The following SYNM variants were observed in gnomAD, a reference collection of about 807,000 sequenced individuals.
SYNM encodes synemin.
In SYNM, 95 loss-of-function variants were observed where a neutral mutation model predicts 104.0. That is an observed-to-expected ratio of 0.91 (90% CI 0.77 to 1.08). SYNM has a LOEUF of 1.08. Among genes scored for constraint, SYNM ranks in the 50% least tolerant of loss-of-function variants. SYNM has a pLI of 0.00. For synonymous variants in SYNM, 918 were observed against 869.0 expected (o/e 1.06, Z -0.99); for missense variants, 2,150 against 2,052.2 (o/e 1.05, Z -0.92).
At chr15:99,123,894 C>T (rs1555484800) in intron 2 of SYNM, among the ~76,000 whole-genome samples, 1 of 152,278 alleles carries the variant, frequency 6.6e-6, no homozygotes, top group East Asian at 1.9e-4. Context: ...AGACAGAGAG[C>T]CTTGCCTTGG....
rs1044356 is a variant in SYNM at position 99,105,607 on chromosome 15, G to C, written c.408G>C (p.Arg136=). The C allele has an allele frequency of 1.6e-6, 2 of 1,262,882 alleles. No individual in the cohort carries two copies. Among genetic ancestry groups the C allele is most frequent in the Non-Finnish European group, 2.0e-6 (2 of 1,009,944 alleles). The allele number at this position is 1,262,882 out of a possible 1,614,324, so 78.2% of individuals were successfully genotyped here. A position where few individuals can be genotyped will look rare whatever the true frequency, so the allele number is the denominator to read the frequency against. ...CCGCCCTCGAGGCGCTGCTGGGCCG[G>C]CTGCAGGCCGAGCGCCGAGGCCTCG... is the stretch of plus-strand genomic sequence containing the variant. The part of the protein sequence containing the change: ...ARAALEALLG[R]LQAERRGLDA... Residue 136 remains arginine (R), a synonymous_variant, in exon 1 of 4, where the codon CGG becomes CGC. Coordinates refer to ENST00000336292, the MANE Select transcript of SYNM (RefSeq NM_145728.3).
intron 2 of SYNM, among the ~76,000 whole-genome samples, chr15:99,116,541 C>T (rs1670242): frequency 0.016 from 2,260 of 143,960 alleles, 224 homozygotes; most frequent in African/African-American, 0.052. Context: ...CAGGCTGTAC[C>T]GGAATCGTGG....
rs375897773 is a variant in SYNM at position 99,131,412 on chromosome 15, G to T, written c.3052G>T (p.Glu1018Ter). 5.4e-4 allele frequency: 877 copies of T among 1,611,864 alleles called. 3 individuals are homozygous for T. The African/African-American group carries it at 9.9e-3, about 18-fold the overall frequency. The stretch of plus-strand genomic sequence containing the variant: ...GGATGCCGATCGGTTAGACCTGGAG[G>T]AGCTGAGCAAAGATGAGGCCAGTGA... ...TVDADRLDLE[E>*]LSKDEASEME... The change falls in exon 4 of 4, where the codon GAG becomes TAG. Residue 1018 changes from glutamate to a stop codon, truncating the protein, a stop_gained. Transcript: ENST00000336292. LOFTEE classifies it high-confidence loss of function. The surrounding 1 kb of genome is among the most constrained non-coding windows in gnomAD (Gnocchi z 4.3).
At chr15:99,110,044 AG>A (rs1168335395) in intron 1 of SYNM, among the ~76,000 whole-genome samples, 1 of 152,190 alleles carries the variant, frequency 6.6e-6, no homozygotes, top group Non-Finnish European at 1.5e-5. Context: ...TAACCCAGGC[AG>A]GAAGTGCTCG....
intron 2 of SYNM, among the ~76,000 whole-genome samples, chr15:99,126,174 A>G (rs1198816146): frequency 6.6e-6 from 1 of 152,118 alleles, no homozygotes; most frequent in Non-Finnish European, 1.5e-5. Flanking sequence ...GTCGTCTCCA[A>G]GGTGACCCCC....
At chr15:99,139,056 C>G (rs2067899215), downstream of SYNM, 1 of 516,764 alleles carries the variant, frequency 1.9e-6, no homozygotes, top group Admixed American at 2.8e-5. Flanking sequence ...CAGCAGGTGC[C>G]TTAGCCTGCA....
intron 1 of SYNM, among the ~76,000 whole-genome samples, chr15:99,109,894 A>G (rs1275090004): frequency 1.3e-5 from 2 of 152,106 alleles, no homozygotes; most frequent in Admixed American, 6.5e-5. Context: ...TTGGGCATTT[A>G]CTTTGAGTGC....
Position 99,132,544 on chromosome 15 carries a change from C to T in SYNM, c.4184C>T (p.Ser1395Leu), listed in dbSNP as rs782769244. The T allele has an allele frequency of 1.9e-5, 31 of 1,613,862 alleles. No individual in the cohort carries two copies. Among genetic ancestry groups the T allele is most frequent in the Middle Eastern group, 3.3e-4 (2 of 6,084 alleles). ...GACACATCAGGGGCAGAAATGACAT[C>T]GGGTGTTAGCAGATCCTTTAGGCAC... is the stretch of plus-strand genomic sequence containing the variant. ...AEDTSGAEMT[S>L]GVSRSFRHIR... Residue 1395 changes from serine to leucine, a missense_variant, in exon 4 of 4, where the codon TCG becomes TTG. Coordinates refer to ENST00000336292, the MANE Select transcript of SYNM (RefSeq NM_145728.3).
Position 99,132,191 on chromosome 15 carries a change from C to G in SYNM, c.3831C>G (p.Ile1277Met), listed in dbSNP as rs781922089. 3 of 1,613,580 alleles carry G rather than the reference C, an allele frequency of 1.9e-6. No homozygotes were observed. In the East Asian group the frequency reaches 6.7e-5, roughly 36 times the overall value. The change falls in exon 4 of 4, where the codon ATC (isoleucine) becomes ATG (methionine). Residue 1277 changes from isoleucine (I) to methionine (M), a missense_variant. Transcript: ENST00000336292. The part of the protein sequence containing the change: ...LGPKEGFSGQ[I>M]QFTAPLSDKV... ...CTAAAGAAGGGTTCAGTGGGCAAAT[C>G]CAGTTCACAGCTCCACTTTCAGACA...
downstream of SYNM, among the ~76,000 whole-genome samples, chr15:99,136,163 C>T (rs541524147): frequency 5.8e-5 from 8 of 138,734 alleles, no homozygotes; most frequent in Admixed American, 1.6e-4. Flanking sequence ...GTCTTCCTCT[C>T]GTTGAAGTCA....
chr15:99,132,397 A>G lies in SYNM; in HGVS notation c.4037A>G (p.Glu1346Gly). ...GACTCAGAGAGCACTGTGCACGGAG[A>G]GGGCTCAGCAGATGTGCACCAGGCC... is the stretch of plus-strand genomic sequence containing the variant. ...SGDSESTVHG[E>G]GSADVHQATH... The change falls in exon 4 of 4, where the codon GAG (glutamate) becomes GGG (glycine). Residue 1346 changes from glutamate (E) to glycine (G), a missense_variant. Physicochemically the swap from Glu to Gly is moderately conservative, Grantham distance 98. Transcript: ENST00000336292. The G allele has an allele frequency of 1.9e-6, 3 of 1,613,974 alleles. No homozygotes were observed. The highest frequency in any genetic ancestry group is 2.5e-6 in the Non-Finnish European group (3 of 1,179,882).
intron 2 of SYNM, among the ~76,000 whole-genome samples, chr15:99,121,159 C>T (rs1317167096): frequency 2.0e-5 from 3 of 151,944 alleles, no homozygotes; most frequent in African/African-American, 7.3e-5. Flanking sequence ...GAGGAACTTG[C>T]AAGGGGAGTG....
chr15:99,131,558 G>T lies in SYNM; in HGVS notation c.3198G>T (p.Arg1066Ser). The T allele has an allele frequency of 6.2e-7, 1 of 1,609,016 alleles. No individual in the cohort carries two copies. Among genetic ancestry groups the T allele is most frequent in the Non-Finnish European group, 8.5e-7 (1 of 1,179,694 alleles). ...AEAPAAGIRFRRWATRELYIP... is the reference protein window; with the variant it reads ...AEAPAAGIRFSRWATRELYIP... ...CCCCGGCTGCTGGCATTCGCTTTAG[G>T]CGTTGGGCCACCCGGGAGCTGTACA... The change falls in exon 4 of 4, where the codon AGG (arginine) becomes AGT (serine). Residue 1066 changes from arginine (R) to serine (S), a missense_variant. Arg to Ser is a moderately radical substitution (Grantham distance 110). Transcript: ENST00000336292. The surrounding 1 kb of genome is among the most constrained non-coding windows in gnomAD (Gnocchi z 4.3).
Position 99,122,874 on chromosome 15 carries a change from G to T in SYNM, c.936-3848G>T, listed in dbSNP as rs1231193715. Reference sequence around the variant, plus strand: ...AATAAATAGAATATATAATTGAAAGGATCGACCAGTACCTTTGGTTGCTGG... The same window carrying T: ...AATAAATAGAATATATAATTGAAAGTATCGACCAGTACCTTTGGTTGCTGG... On this transcript the variant is annotated intron_variant, in intron 2 of 3. Coordinates refer to ENST00000336292, the MANE Select transcript of SYNM (RefSeq NM_145728.3). Among the ~76,000 whole-genome samples the T allele has an allele frequency of 2.0e-5, 3 of 152,148 alleles. No individual in the cohort carries two copies. In the East Asian group the frequency reaches 5.8e-4, roughly 29 times the overall value.
At chr15:99,137,301 T>C (rs1478312596), downstream of SYNM, 4 of 152,338 alleles carry the variant, frequency 2.6e-5, no homozygotes, top group African/African-American at 9.6e-5. Context: ...TCCAGGTTTG[T>C]CCTGCCTGCA....
intron 3 of SYNM, chr15:99,128,709 C>G (rs1469805179): frequency 6.5e-6 from 1 of 152,978 alleles, no homozygotes; most frequent in Non-Finnish European, 1.5e-5. Flanking sequence ...CAGCCTGGAG[C>G]AAAGCTGGAA....
intron 2 of SYNM, among the ~76,000 whole-genome samples, chr15:99,125,759 C>T (rs1231686282): frequency 2.6e-5 from 4 of 152,218 alleles, no homozygotes; most frequent in Non-Finnish European, 5.9e-5. Context: ...CAGTGTATTT[C>T]TTGGAACCGG....
At chr15:99,123,732 G>A (rs1038589831) in intron 2 of SYNM, among the ~76,000 whole-genome samples, 13 of 152,230 alleles carry the variant, frequency 8.5e-5, no homozygotes, top group African/African-American at 2.9e-4. Context: ...CACAGGCCCC[G>A]GCCCCGGCCC....
downstream of SYNM, chr15:99,139,312 C>T (rs782525397): frequency 6.2e-7 from 1 of 1,611,802 alleles, no homozygotes. Flanking sequence ...GGGACGCCAA[C>T]TCACGTGGAC....
Sources: gnomAD v4.1 joint callset for allele counts (sites outside exome capture counted in the v4.1 genomes callset) on GRCh38, gnomAD v4.1.1 for gene constraint, Gnocchi (gnomAD v3.1) non-coding constraint, MANE v1.5 for transcripts, NCBI Gene and HGNC (gene_info 2026-07-23, HGNC 2026-07-21) for gene names.